SCRG1: variants seen among roughly 807,000 people sequenced by gnomAD.
SCRG1 encodes stimulator of chondrogenesis 1.
Under a neutral mutation model 7.7 loss-of-function variants are expected in SCRG1, and 3 were observed. That is an observed-to-expected ratio of 0.39 (90% CI 0.18 to 1.01). The LOEUF (loss-of-function observed/expected upper bound fraction) is 1.01. SCRG1 is among the 50% of genes least tolerant of loss of function. The probability of loss-of-function intolerance (pLI) is 0.36; values close to 1 mark genes in which losing one functional copy is unlikely to be tolerated. For synonymous variants in SCRG1, 46 were observed against 41.2 expected, an observed-to-expected ratio of 1.12 and a Z score of -0.44; for missense variants, 110 against 117.2, an observed-to-expected ratio of 0.94 and a Z score of 0.28.
the SCRG1 span, among the ~76,000 whole-genome samples, chr4:173,455,251 T>C: frequency 6.6e-6 from 1 of 152,226 alleles, no homozygotes. Context: ...CTTTATATAT[T>C]AAGGGGGTAT....
the SCRG1 span, among the ~76,000 whole-genome samples, chr4:173,513,539 G>T: frequency 7.2e-5 from 11 of 152,188 alleles, no homozygotes; most frequent in African/African-American, 2.4e-4. Context: ...ACCATTTCTA[G>T]GGAAAGGTCT....
chr4:173,447,398 A>G, the SCRG1 span, among the ~76,000 whole-genome samples: 1 of 152,216 alleles, frequency 6.6e-6, no homozygotes, highest in East Asian at 1.9e-4. Context: ...AGACACAAAC[A>G]TTCAGTCCAT....
the SCRG1 span, among the ~76,000 whole-genome samples, chr4:173,484,128 T>TAATATATAATATAC: frequency 0.68 from 54,672 of 79,890 alleles, 18,943 homozygotes; most frequent in Non-Finnish European, 0.77. Context: ...ATACAATATA[T>TAATATATAATATAC]AATATATAAT....
the SCRG1 span, among the ~76,000 whole-genome samples, chr4:173,414,344 T>C: frequency 6.6e-6 from 1 of 152,240 alleles, no homozygotes; most frequent in Non-Finnish European, 1.5e-5. Context: ...TAATGTTTTC[T>C]GTAATGCATT....
At chr4:173,483,255 TGA>T in the SCRG1 span, among the ~76,000 whole-genome samples, 38 of 66,738 alleles carry the variant, frequency 5.7e-4, no homozygotes, top group African/African-American at 1.3e-3. Context: ...ATATCATATA[TGA>T]TATATCATAT....
the SCRG1 span, among the ~76,000 whole-genome samples, chr4:173,479,064 C>T: frequency 2.6e-5 from 4 of 152,162 alleles, no homozygotes; most frequent in African/African-American, 4.8e-5. Context: ...ACACTGGGTG[C>T]ATCTCTGATC....
At chr4:173,392,759 G>A (rs909198341) in intron 1 of SCRG1, among the ~76,000 whole-genome samples, 6 of 152,246 alleles carry the variant, frequency 3.9e-5, no homozygotes, top group Middle Eastern at 3.4e-3. Context: ...TGGAAAGAGG[G>A]AAAACAGATG....
the SCRG1 span, among the ~76,000 whole-genome samples, chr4:173,435,716 A>T: frequency 6.6e-6 from 1 of 152,226 alleles, no homozygotes; most frequent in Non-Finnish European, 1.5e-5. Flanking sequence ...GAAATGAAAT[A>T]CAGAGCAAAG....
At chr4:173,518,941 A>C in the SCRG1 span, among the ~76,000 whole-genome samples, 1 of 149,510 alleles carries the variant, frequency 6.7e-6, no homozygotes, top group Non-Finnish European at 1.5e-5. Flanking sequence ...GATACGCTAG[A>C]GTTGCCCCCA....
At chr4:173,492,814 T>A in the SCRG1 span, among the ~76,000 whole-genome samples, 2 of 152,174 alleles carry the variant, frequency 1.3e-5, no homozygotes, top group Middle Eastern at 3.2e-3. Context: ...CCGCACTTCA[T>A]GATCAGAACC....
chr4:173,479,962 A>C, the SCRG1 span, among the ~76,000 whole-genome samples: 1 of 152,014 alleles, frequency 6.6e-6, no homozygotes, highest in Non-Finnish European at 1.5e-5. Context: ...TATGTTTTTA[A>C]AATTTTTATT....
At chr4:173,506,622 C>G in the SCRG1 span, among the ~76,000 whole-genome samples, 64,164 of 151,992 alleles carry the variant, frequency 0.42, 15,862 homozygotes, top group East Asian at 0.62. The surrounding 1 kb of genome is among the most constrained non-coding windows in gnomAD (Gnocchi z 5.3). Flanking sequence ...AGGGTAGGGG[C>G]GGGCAGATTT....
chr4:173,387,867 T>A lies in SCRG1; in HGVS notation c.*474A>T, dbSNP rs1231320688. 1 of 151,816 alleles carries A rather than the reference T, an allele frequency of 6.6e-6. No individual in the cohort carries two copies. The highest frequency in any genetic ancestry group is 1.5e-5 in the Non-Finnish European group (1 of 68,076). The allele number at this position is 151,816 out of a possible 1,614,324, so 9.4% of individuals were successfully genotyped here. A position where few individuals can be genotyped will look rare whatever the true frequency, so the allele number is the denominator to read the frequency against. ...GATGTGGGCACCCACAACCTGCTAA[T>A]TTTTTAATTTTTTTGTAAAGAGGGG... On this transcript the variant is annotated 3_prime_UTR_variant, in exon 3 of 3. Transcript: ENST00000296506.
chr4:173,485,387 A>C, the SCRG1 span, among the ~76,000 whole-genome samples: 1 of 149,928 alleles, frequency 6.7e-6, no homozygotes, highest in Non-Finnish European at 1.5e-5. Context: ...CCCAGCTGAC[A>C]GCCAACAACA....
the SCRG1 span, among the ~76,000 whole-genome samples, chr4:173,505,725 A>T: frequency 6.6e-6 from 1 of 152,226 alleles, no homozygotes; most frequent in African/African-American, 2.4e-5. This position sits in a 1 kb window ranked among gnomAD's most constrained non-coding sequence, Gnocchi z 4.4. Flanking sequence ...GTAAGCAAGC[A>T]GTCATCAGAC....
chr4:173,467,271 C>CAT, the SCRG1 span, among the ~76,000 whole-genome samples: 1 of 151,946 alleles, frequency 6.6e-6, no homozygotes, highest in Admixed American at 6.6e-5. Context: ...AGTAAAGAAT[C>CAT]ATATCATCTA....
chr4:173,429,025 T>A, the SCRG1 span, among the ~76,000 whole-genome samples: 2 of 152,312 alleles, frequency 1.3e-5, no homozygotes, highest in African/African-American at 4.8e-5. Context: ...TTGATCAAAT[T>A]GAAAGTTAAT....
chr4:173,476,363 A>AAAAAAATATATAT, the SCRG1 span, among the ~76,000 whole-genome samples: 108 of 98,508 alleles, frequency 1.1e-3, 3 homozygotes, highest in Non-Finnish European at 2.1e-3. Context: ...GGAAAAAAAA[A>AAAAAAATATATAT]ATATATATAT....
chr4:173,483,228 T>G, the SCRG1 span, among the ~76,000 whole-genome samples: 7 of 81,524 alleles, frequency 8.6e-5, no homozygotes, highest in East Asian at 7.5e-4. Flanking sequence ...ATATATATAT[T>G]ATATATAATA....
Sources: gnomAD v4.1 joint callset for allele counts (sites outside exome capture counted in the v4.1 genomes callset) on GRCh38, gnomAD v4.1.1 for gene constraint, Gnocchi (gnomAD v3.1) non-coding constraint, MANE v1.5 for transcripts, NCBI Gene and HGNC (gene_info 2026-07-23, HGNC 2026-07-21) for gene names.